Variants in KCNH8 observed in about 807,000 individuals in gnomAD.
The protein encoded by KCNH8 is potassium voltage-gated channel subfamily H member 8.
A neutral mutation model predicts 103.6 loss-of-function variants in KCNH8; 70 were observed. The ratio of observed to expected loss-of-function variants is 0.68; its 90% CI spans 0.56 to 0.82. The LOEUF is 0.82. Among genes scored for constraint, KCNH8 ranks in the 40% least tolerant of loss-of-function variants. The pLI is 0.00. For missense variants in KCNH8, 1,217 were observed against 1,329.9 expected (o/e 0.92, Z 1.32); for synonymous variants, 498 against 489.4 (o/e 1.02, Z -0.23).
intron 14 of KCNH8, among the ~76,000 whole-genome samples, chr3:19,516,292 A>G (rs1268716002): frequency 6.6e-6 from 1 of 152,086 alleles, no homozygotes; most frequent in African/African-American, 2.4e-5. Context: ...AGTTCTGGAG[A>G]TGTTTCTCTG....
intron 1 of KCNH8, among the ~76,000 whole-genome samples, chr3:19,188,826 T>C (rs1425955664): frequency 6.6e-6 from 1 of 152,046 alleles, no homozygotes; most frequent in Non-Finnish European, 1.5e-5. Context: ...ATTTTGTTTG[T>C]AGAGAGAGGG....
chr3:19,450,394 A>G (rs920719819), intron 9 of KCNH8, 89 bp downstream of exon 9: 10 of 962,866 alleles, frequency 1.0e-5, no homozygotes, highest in Non-Finnish European at 1.5e-5. Context: ...TCAGAAGTGA[A>G]AAGCATACCA....
intron 2 of KCNH8, among the ~76,000 whole-genome samples, chr3:19,254,883 C>A (rs923791407): frequency 3.9e-5 from 6 of 152,106 alleles, no homozygotes; most frequent in African/African-American, 1.4e-4. Context: ...TGTGCAATCT[C>A]TGGGTAAAAT....
intron 8 of KCNH8, among the ~76,000 whole-genome samples, chr3:19,440,264 T>C (rs1308856901): frequency 2.0e-5 from 3 of 152,140 alleles, no homozygotes; most frequent in African/African-American, 7.2e-5. Context: ...GAGAACTAGC[T>C]AGATAGAGGC....
chr3:19,155,762 C>T (rs1002245530), intron 1 of KCNH8, among the ~76,000 whole-genome samples: 3 of 152,214 alleles, frequency 2.0e-5, no homozygotes, highest in South Asian at 2.1e-4. Context: ...TCTGAGGCTC[C>T]GAGTAAAGTT....
intron 1 of KCNH8, among the ~76,000 whole-genome samples, chr3:19,209,520 A>G (rs987521758): frequency 1.3e-5 from 2 of 152,086 alleles, no homozygotes; most frequent in African/African-American, 4.8e-5. Context: ...TAGGGTTTCT[A>G]ACACTCACTC....
chr3:19,486,374 G>T (rs1426887417), intron 11 of KCNH8, among the ~76,000 whole-genome samples: 1 of 152,192 alleles, frequency 6.6e-6, no homozygotes, highest in African/African-American at 2.4e-5. Flanking sequence ...ATGTCCTTTG[G>T]TATTCATCAA....
At chr3:19,404,487 C>G (rs1204605348) in intron 7 of KCNH8, among the ~76,000 whole-genome samples, 1 of 151,888 alleles carries the variant, frequency 6.6e-6, no homozygotes, top group Non-Finnish European at 1.5e-5. Flanking sequence ...CTGAAAGGAT[C>G]TATGACTTCA....
Position 19,199,613 on chromosome 3 carries a change from T to G in KCNH8, c.76+50818T>G, listed in dbSNP as rs968358315. Among the ~76,000 whole-genome samples the G allele has an allele frequency of 2.0e-5, 3 of 150,134 alleles. No homozygotes were observed. The East Asian group carries it at 5.8e-4, about 29-fold the overall frequency. On this transcript the variant is annotated intron_variant, in intron 1 of 15. Coordinates refer to ENST00000328405, the MANE Select transcript of KCNH8 (RefSeq NM_144633.3). ...ATATGATGTATTATATATTTTTATG[T>G]TATGTACATATAAATATATATGTAC...
At chr3:19,483,006 A>G (rs1282659167) in intron 11 of KCNH8, among the ~76,000 whole-genome samples, 1 of 151,880 alleles carries the variant, frequency 6.6e-6, no homozygotes, top group Non-Finnish European at 1.5e-5. Context: ...TAGCAGGCCT[A>G]TGATATTGTA....
At chr3:19,476,837 G>A (rs530444028) in intron 11 of KCNH8, among the ~76,000 whole-genome samples, 1 of 152,104 alleles carries the variant, frequency 6.6e-6, no homozygotes, top group South Asian at 2.1e-4. Flanking sequence ...CTTTTAAATA[G>A]GTATCAAGAA....
rs560519273 is a variant in KCNH8 at position 19,533,191 on chromosome 3, G to C, written c.2620-204G>C. 2.9e-5 allele frequency among the ~76,000 whole-genome samples: 4 copies of C among 140,046 alleles called. No homozygotes were observed. In the Admixed American group the frequency reaches 3.0e-4, roughly 11 times the overall value. 91.9% of individuals were successfully genotyped at this position (140,046 alleles called of 152,430 possible). ...TGCACTCCAGCCTGGGCAACAGTGT[G>C]AGACTCCGTCTCAAAAAAAAAAAAA... On this transcript the variant is annotated intron_variant, in intron 15 of 15. Transcript: ENST00000328405.
At chr3:19,289,288 T>C (rs2125280227) in intron 3 of KCNH8, among the ~76,000 whole-genome samples, 1 of 152,302 alleles carries the variant, frequency 6.6e-6, no homozygotes, top group African/African-American at 2.4e-5. Flanking sequence ...GTTTTAGACA[T>C]GAAGCCCTTG....
chr3:19,357,505 G>GT (rs1354141786), intron 5 of KCNH8, among the ~76,000 whole-genome samples: 2 of 151,764 alleles, frequency 1.3e-5, no homozygotes, highest in Non-Finnish European at 2.9e-5. Flanking sequence ...TCACTTGATT[G>GT]TTTGCGGCCC....
intron 1 of KCNH8, among the ~76,000 whole-genome samples, chr3:19,152,380 T>C (rs1213810181): frequency 1.3e-5 from 2 of 152,182 alleles, no homozygotes; most frequent in Non-Finnish European, 2.9e-5. Flanking sequence ...TACAAAGCTT[T>C]CAGAGGGAAG....
At chr3:19,212,646 T>G (rs1398572622) in intron 1 of KCNH8, among the ~76,000 whole-genome samples, 2 of 152,188 alleles carry the variant, frequency 1.3e-5, no homozygotes, top group Non-Finnish European at 1.5e-5. Flanking sequence ...CCTTAGCTTA[T>G]CACAGAAGTA....
rs551121003 is a variant in KCNH8 at position 19,315,184 on chromosome 3, G to A, written c.443-27403G>A. ...CCCAGGATTGTGCAGACTTGAAACT[G>A]GGGAGTGAAGTGTCAGTGCCAGAAC... On this transcript the variant is annotated intron_variant, in intron 3 of 15. Coordinates refer to ENST00000328405, the MANE Select transcript of KCNH8 (RefSeq NM_144633.3). 4.6e-5 allele frequency among the ~76,000 whole-genome samples: 7 copies of A among 151,998 alleles called. No homozygotes were observed. The South Asian group carries it at 8.3e-4, about 18-fold the overall frequency.
At chr3:19,273,750 CTT>C (rs1181363311) in intron 2 of KCNH8, among the ~76,000 whole-genome samples, 3 of 152,164 alleles carry the variant, frequency 2.0e-5, no homozygotes, top group African/African-American at 7.2e-5. Flanking sequence ...AGTACATTCT[CTT>C]TGTCTCAACC....
At chr3:19,486,654 G>A (rs1208421586) in intron 11 of KCNH8, among the ~76,000 whole-genome samples, 2 of 152,168 alleles carry the variant, frequency 1.3e-5, no homozygotes, top group African/African-American at 2.4e-5. Context: ...ACAGGCCAAC[G>A]TAAGTTTTTC....
Sources: gnomAD v4.1 joint callset for allele counts (sites outside exome capture counted in the v4.1 genomes callset) on GRCh38, gnomAD v4.1.1 for gene constraint, MANE v1.5 for transcripts, NCBI Gene and HGNC (gene_info 2026-07-23, HGNC 2026-07-21) for gene names.